The following ADGRL2 variants were observed in gnomAD, a reference collection of about 807,000 sequenced individuals.
ADGRL2 encodes the protein adhesion G protein-coupled receptor L2.
Under a neutral mutation model 157.4 loss-of-function variants are expected in ADGRL2, and 44 were observed. The observed-to-expected ratio is 0.28, with a 90% CI of 0.22 to 0.36. ADGRL2 has a LOEUF of 0.36. Ranked by LOEUF, ADGRL2 falls within the 10% of genes least tolerant of loss-of-function variation. The pLI, the probability that ADGRL2 is intolerant of heterozygous loss-of-function variation, is 1.00. For missense variants in ADGRL2, 1,510 were observed against 1,768.9 expected (o/e 0.85, Z 2.63); for synonymous variants, 585 against 624.7 (o/e 0.94, Z 0.95).
At chr1:81,433,442 G>C (rs913965263) in intron 1 of ADGRL2, among the ~76,000 whole-genome samples, 3 of 152,168 alleles carry the variant, frequency 2.0e-5, no homozygotes, top group Admixed American at 6.5e-5. Flanking sequence ...TGTGCCCTGA[G>C]TTTTAACCAC....
intron 3 of ADGRL2, among the ~76,000 whole-genome samples, chr1:81,926,027 C>A (rs1408235626): frequency 6.6e-6 from 1 of 151,986 alleles, no homozygotes; most frequent in Non-Finnish European, 1.5e-5. Context: ...GTTGCAGGTT[C>A]TTTTGCATTA....
intron 2 of ADGRL2, among the ~76,000 whole-genome samples, chr1:81,468,297 G>A (rs1198318112): frequency 6.6e-6 from 1 of 152,076 alleles, no homozygotes; most frequent in Non-Finnish European, 1.5e-5. Context: ...TTGTCCCTAG[G>A]TGCTGATACT....
intron 2 of ADGRL2, among the ~76,000 whole-genome samples, chr1:81,863,580 T>C (rs1299254639): frequency 2.0e-5 from 3 of 152,188 alleles, no homozygotes; most frequent in Admixed American, 2.0e-4. Context: ...TGTAGTGAGC[T>C]GATGAAAAGA....
At chr1:81,850,604 T>A (rs986382381) in intron 2 of ADGRL2, among the ~76,000 whole-genome samples, 1 of 151,920 alleles carries the variant, frequency 6.6e-6, no homozygotes, top group Non-Finnish European at 1.5e-5. Flanking sequence ...ATTCAGTTCC[T>A]TTTTGTTCTT....
intron 2 of ADGRL2, among the ~76,000 whole-genome samples, chr1:81,577,829 C>CT (rs1158825279): frequency 6.6e-6 from 1 of 152,120 alleles, no homozygotes; most frequent in East Asian, 1.9e-4. Context: ...GGGTTTCACT[C>CT]TAACAAATGT....
chr1:81,331,335 T>G (rs1220454879), intron 1 of ADGRL2, among the ~76,000 whole-genome samples: 3 of 152,102 alleles, frequency 2.0e-5, no homozygotes, highest in Non-Finnish European at 4.4e-5. Context: ...TTACTTAGGA[T>G]CTGAAATAAT....
intron 1 of ADGRL2, among the ~76,000 whole-genome samples, chr1:81,728,190 A>ATT (rs2084602110): frequency 6.6e-6 from 1 of 152,142 alleles, no homozygotes; most frequent in Non-Finnish European, 1.5e-5. Flanking sequence ...AGAAGTACAA[A>ATT]TTGTGTCCAA....
At chr1:81,722,323 G>A in intron 1 of ADGRL2, 1 of 663,274 alleles carries the variant, frequency 1.5e-6, no homozygotes. Flanking sequence ...GATAACAGAG[G>A]AGATGAGATC....
Position 81,986,936 on chromosome 1 carries a change from C to A in ADGRL2, c.3544C>A (p.Leu1182Ile). 5 of 1,610,962 alleles carry A rather than the reference C, an allele frequency of 3.1e-6. No individual in the cohort carries two copies. Among genetic ancestry groups the A allele is most frequent in the Non-Finnish European group, 4.2e-6 (5 of 1,179,000 alleles). Residue 1182 changes from leucine (L) to isoleucine (I), a missense_variant, in exon 22 of 24, where the codon CTT (leucine) becomes ATT (isoleucine). This residue lies in a region of ADGRL2 where 497 missense variants were observed against 627.2 expected (regional missense o/e 0.79). Transcript: ENST00000686636. ...TGNYLLTNPL[L>I]RPHGTNNPYN... ...CAATTACCTACTAACAAACCCTCTT[C>A]TTCGACCCCACGGCACTAACAACCC...
intron 14 of ADGRL2, among the ~76,000 whole-genome samples, chr1:81,968,910 A>G (rs1483255438): frequency 6.6e-6 from 1 of 152,242 alleles, no homozygotes; most frequent in Non-Finnish European, 1.5e-5. Flanking sequence ...TAATTCAGTC[A>G]TACTTTGAAA....
rs67854345 is a variant in ADGRL2, at chr1:81,901,569, CAT to C, written c.74-5435_74-5434del. On this transcript the variant is annotated intron_variant, in intron 2 of 23. Coordinates refer to ENST00000686636, the MANE Select transcript of ADGRL2 (RefSeq NM_001366006.2). ...ATGTAGACTTGGCAAAGGATTAAAA[CAT>C]ATATATATATATTTTTTTTTTTGAT... 3.4e-5 allele frequency among the ~76,000 whole-genome samples: 5 copies of C among 147,550 alleles called. 1 individual carries two copies. Among genetic ancestry groups the C allele is most frequent in the African/African-American group, 9.9e-5 (4 of 40,540 alleles).
At chr1:81,344,254 C>T (rs1301547792) in intron 1 of ADGRL2, among the ~76,000 whole-genome samples, 17 of 152,108 alleles carry the variant, frequency 1.1e-4, no homozygotes, top group Admixed American at 7.9e-4. Context: ...TATGATAGCA[C>T]ATTTGTAGCC....
At chr1:81,459,152 C>T (rs949027265) in intron 2 of ADGRL2, among the ~76,000 whole-genome samples, 2 of 152,090 alleles carry the variant, frequency 1.3e-5, no homozygotes, top group African/African-American at 4.8e-5. Context: ...AAGCACCACT[C>T]AATTGGTTTA....
At chr1:81,896,253 G>A (rs973066208) in intron 2 of ADGRL2, among the ~76,000 whole-genome samples, 3 of 152,110 alleles carry the variant, frequency 2.0e-5, no homozygotes, top group Non-Finnish European at 4.4e-5. Context: ...AATGACTTCA[G>A]ATATTAAATT....
intron 2 of ADGRL2, among the ~76,000 whole-genome samples, chr1:81,561,361 A>C (rs1202035748): frequency 6.6e-6 from 1 of 151,908 alleles, no homozygotes; most frequent in Non-Finnish European, 1.5e-5. Context: ...ATATTACTGT[A>C]AGATTTCTCT....
At chr1:81,975,203 T>C (rs1659843938) in intron 17 of ADGRL2, among the ~76,000 whole-genome samples, 1 of 152,082 alleles carries the variant, frequency 6.6e-6, no homozygotes. Flanking sequence ...CATATGTATG[T>C]ACCACAATCC....
intron 2 of ADGRL2, among the ~76,000 whole-genome samples, chr1:81,515,718 C>A (rs2079163448): frequency 6.6e-6 from 1 of 152,144 alleles, no homozygotes; most frequent in Non-Finnish European, 1.5e-5. Flanking sequence ...AAGATAACTG[C>A]TATTTACATT....
chr1:81,992,918 A>T lies in ADGRL2; in HGVS notation c.*1773A>T, dbSNP rs1184193240. ...GTTTGTATCATAAGCATTTATAGAA[A>T]ATTATTCTAAAGCTTAATGGTTTGC... On this transcript the variant is annotated 3_prime_UTR_variant, in exon 24 of 24. Transcript: ENST00000686636. Among the ~76,000 whole-genome samples, 2 of 150,956 alleles carry T rather than the reference A, an allele frequency of 1.3e-5. No homozygotes were observed. Among genetic ancestry groups the T allele is most frequent in the Non-Finnish European group, 2.9e-5 (2 of 67,812 alleles).
intron 1 of ADGRL2, chr1:81,722,653 A>G (rs2084372618): frequency 5.1e-6 from 7 of 1,368,604 alleles, no homozygotes; most frequent in Non-Finnish European, 7.2e-6. Context: ...TGCTAGTACA[A>G]TGCTGAAAGA....
Sources: gnomAD v4.1 joint callset for allele counts (sites outside exome capture counted in the v4.1 genomes callset) on GRCh38, gnomAD v4.1.1 for gene constraint, gnomAD v4.1.1 regional missense constraint, MANE v1.5 for transcripts, NCBI Gene and HGNC (gene_info 2026-07-23, HGNC 2026-07-21) for gene names.